LDB2: variants seen among roughly 807,000 people sequenced by gnomAD.
LDB2 encodes the protein LIM domain binding 2.
In LDB2, 12 loss-of-function variants were observed where a neutral mutation model predicts 44.3. The observed-to-expected ratio is 0.27, with a 90% CI of 0.17 to 0.44. LDB2 has a LOEUF of 0.44. LDB2 is among the 20% of genes least tolerant of loss of function. LDB2 has a pLI of 1.00. For synonymous variants in LDB2, 164 were observed against 174.8 expected, an observed-to-expected ratio of 0.94 and a Z score of 0.49; for missense variants, 344 against 473.5, an observed-to-expected ratio of 0.73 and a Z score of 2.54.
chr4:16,556,125 CT>C (rs1560460757), intron 5 of LDB2, among the ~76,000 whole-genome samples: 1 of 152,198 alleles, frequency 6.6e-6, no homozygotes, highest in Admixed American at 6.5e-5. Context: ...GGCAAATTTC[CT>C]TTGTTGTATT....
chr4:16,529,534 T>C (rs2152298098), intron 5 of LDB2, among the ~76,000 whole-genome samples: 1 of 152,322 alleles, frequency 6.6e-6, no homozygotes, highest in East Asian at 1.9e-4. Flanking sequence ...CTAATTTCAT[T>C]GTGTGTTTTC....
chr4:16,556,544 A>G (rs1490010810), intron 5 of LDB2, among the ~76,000 whole-genome samples: 6 of 152,204 alleles, frequency 3.9e-5, no homozygotes, highest in African/African-American at 1.4e-4. Context: ...ATTTTTCTCC[A>G]TCTTAAAACC....
At chr4:16,664,013 T>C (rs1224174808) in intron 2 of LDB2, among the ~76,000 whole-genome samples, 1 of 148,044 alleles carries the variant, frequency 6.8e-6, no homozygotes, top group Non-Finnish European at 1.5e-5. Context: ...GGCAAAGCAA[T>C]GTTAAGTTTC....
chr4:16,759,381 T>G, intron 1 of LDB2, 121 bp from the exon 2 acceptor site: 1 of 691,824 alleles, frequency 1.4e-6, no homozygotes, highest in Non-Finnish European at 2.5e-6. Flanking sequence ...CGTATGTGTG[T>G]AGGTGTTCTA....
At position 16,585,794 on chromosome 4, in the gene LDB2, T is replaced by C. The variant is rs1293340195; in HGVS notation, c.615+128A>G. ...GAAAACACACACACACACACATACA[T>C]CTGGTACAGAACATAGACACTGCTA... On this transcript the variant is annotated intron_variant, in intron 5 of 7. Transcript: ENST00000304523. 1.6e-5 allele frequency: 10 copies of C among 643,070 alleles called. No individual in the cohort carries two copies. In the African/African-American group the frequency reaches 1.8e-4, roughly 12 times the overall value. The allele number at this position is 643,070 out of a possible 1,614,324, so 39.8% of individuals were successfully genotyped here.
chr4:16,717,012 A>G (rs781479592), intron 2 of LDB2, among the ~76,000 whole-genome samples: 119 of 152,214 alleles, frequency 7.8e-4, no homozygotes, highest in Non-Finnish European at 1.3e-3. Context: ...TGGTGCAGAT[A>G]AAGTTTTTAA....
chr4:16,831,961 CAGAA>C (rs1784139148), intron 1 of LDB2, among the ~76,000 whole-genome samples: 1 of 152,126 alleles, frequency 6.6e-6, no homozygotes, highest in Non-Finnish European at 1.5e-5. Context: ...TTGAGACTGG[CAGAA>C]ATCAGGAAAG....
At chr4:16,645,539 G>A (rs1161655499) in intron 2 of LDB2, among the ~76,000 whole-genome samples, 2 of 67,432 alleles carry the variant, frequency 3.0e-5, no homozygotes, top group Non-Finnish European at 5.5e-5. Flanking sequence ...GCGAGACTCC[G>A]TCTCAAAAAA....
chr4:16,873,767 T>A (rs771143569), intron 1 of LDB2, among the ~76,000 whole-genome samples: 1 of 152,190 alleles, frequency 6.6e-6, no homozygotes, highest in South Asian at 2.1e-4. Flanking sequence ...ACAAAATTCA[T>A]GTGTTTTAAT....
At chr4:16,652,202 CT>C (rs1223444730) in intron 2 of LDB2, among the ~76,000 whole-genome samples, 1 of 152,152 alleles carries the variant, frequency 6.6e-6, no homozygotes, top group Non-Finnish European at 1.5e-5. Flanking sequence ...CCACCTTGCC[CT>C]CCCAAAGTGT....
intron 2 of LDB2, among the ~76,000 whole-genome samples, chr4:16,709,592 A>G (rs530221539): frequency 1.3e-5 from 2 of 152,318 alleles, no homozygotes; most frequent in South Asian, 4.1e-4. Flanking sequence ...TCTGTACAAG[A>G]ATTTATCAAA....
chr4:16,689,456 C>T (rs1223574137), intron 2 of LDB2, among the ~76,000 whole-genome samples: 1 of 152,334 alleles, frequency 6.6e-6, no homozygotes, highest in Non-Finnish European at 1.5e-5. Flanking sequence ...CTATCCAATA[C>T]AGTTATGCAT....
chr4:16,873,981 G>A (rs1460426312), intron 1 of LDB2, among the ~76,000 whole-genome samples: 6 of 152,054 alleles, frequency 3.9e-5, no homozygotes, highest in African/African-American at 1.2e-4. Flanking sequence ...CTGTAGCAAT[G>A]GATCCAAATT....
chr4:16,885,153 C>CT (rs1721278870), intron 1 of LDB2, among the ~76,000 whole-genome samples: 1 of 76,914 alleles, frequency 1.3e-5, no homozygotes, highest in Non-Finnish European at 2.7e-5. Flanking sequence ...GATACCACTT[C>CT]TAAAAAAAAA....
Position 16,502,462 on chromosome 4 carries a change from G to C in LDB2, c.*181C>G. On this transcript the variant is annotated 3_prime_UTR_variant, in exon 8 of 8. Coordinates refer to ENST00000304523, the MANE Select transcript of LDB2 (RefSeq NM_001290.5). Reference sequence around the variant, plus strand: ...AAGAAAGGGTCATGGAAGCTTACTGGGAATAATCCTCTCAATTAGAAAAAA... The same window carrying C: ...AAGAAAGGGTCATGGAAGCTTACTGCGAATAATCCTCTCAATTAGAAAAAA... The C allele has an allele frequency of 2.4e-6, 2 of 842,844 alleles. No individual in the cohort carries two copies. The highest frequency in any genetic ancestry group is 3.6e-6 in the Non-Finnish European group (2 of 549,584). The allele number at this position is 842,844 out of a possible 1,614,324, so 52.2% of individuals were successfully genotyped here. A position where few individuals can be genotyped will look rare whatever the true frequency, so the allele number is the denominator to read the frequency against.
At chr4:16,546,631 C>T (rs1262459534) in intron 5 of LDB2, among the ~76,000 whole-genome samples, 6 of 152,148 alleles carry the variant, frequency 3.9e-5, no homozygotes, top group African/African-American at 1.4e-4. Context: ...AGCTCCTTGC[C>T]ACCCCCTTCC....
At chr4:16,799,771 A>C (rs1229024312) in intron 1 of LDB2, among the ~76,000 whole-genome samples, 2 of 152,222 alleles carry the variant, frequency 1.3e-5, no homozygotes, top group Non-Finnish European at 1.5e-5. Flanking sequence ...TACCAGATGA[A>C]ATACAGGATG....
chr4:16,694,004 C>T (rs925260071), intron 2 of LDB2, among the ~76,000 whole-genome samples: 1 of 152,116 alleles, frequency 6.6e-6, no homozygotes, highest in African/African-American at 2.4e-5. Context: ...GTCGCTCCTC[C>T]TGGTTGATCT....
intron 1 of LDB2, among the ~76,000 whole-genome samples, chr4:16,810,478 G>A (rs1009433289): frequency 6.6e-6 from 1 of 152,108 alleles, no homozygotes; most frequent in African/African-American, 2.4e-5. Flanking sequence ...GGAAGATAAG[G>A]GTAGTTGTGA....
Sources: allele counts gnomAD v4.1 joint callset (sites outside exome capture counted in the v4.1 genomes callset), GRCh38; gene constraint gnomAD v4.1.1; transcripts MANE v1.5; gene names NCBI Gene and HGNC (gene_info 2026-07-23, HGNC 2026-07-21).